The following MIER1 variants were observed in gnomAD, a reference collection of about 807,000 sequenced individuals.
The protein encoded by MIER1 is MIER1 transcriptional regulator.
A neutral mutation model predicts 75.7 loss-of-function variants in MIER1; 40 were observed. That is an observed-to-expected ratio of 0.53 (90% CI 0.41 to 0.69). The LOEUF is 0.69. Among genes scored for constraint, MIER1 ranks in the 30% least tolerant of loss-of-function variants. The pLI is 0.00. For missense variants in MIER1, 574 were observed against 680.2 expected (o/e 0.84, Z 1.74); for synonymous variants, 213 against 223.4 (o/e 0.95, Z 0.42).
intron 7 of MIER1, among the ~76,000 whole-genome samples, chr1:66,961,831 T>C (rs1193576516): frequency 6.6e-6 from 1 of 152,132 alleles, no homozygotes; most frequent in Non-Finnish European, 1.5e-5. Context: ...ATTGTAAGGG[T>C]AGAGAAAATT....
intron 3 of MIER1, among the ~76,000 whole-genome samples, chr1:66,943,451 A>G (rs1191102906): frequency 6.6e-6 from 1 of 152,290 alleles, no homozygotes; most frequent in East Asian, 1.9e-4. Flanking sequence ...AATCTGGTAT[A>G]AGGTATCTGA....
chr1:66,972,347 TTCCC>T (rs1663876476), intron 10 of MIER1, among the ~76,000 whole-genome samples: 1 of 150,998 alleles, frequency 6.6e-6, no homozygotes, highest in South Asian at 2.1e-4. Context: ...ACAAAGTCCC[TTCCC>T]CTCGTGGTGC....
rs578210347 is a variant in MIER1, at chr1:66,957,772, T to C, written c.340-287T>C. ...TAACTGTCATTGTGCATATACTGAA[T>C]TGATTGCAAAAAGAATAGTCCATGT... On this transcript the variant is annotated intron_variant, in intron 4 of 13. Transcript: ENST00000401041. Among the ~76,000 whole-genome samples the C allele has an allele frequency of 2.0e-5, 3 of 152,216 alleles. No individual in the cohort carries two copies. The South Asian group carries it at 6.2e-4, about 32-fold the overall frequency.
chr1:66,967,781 T>C (rs529841856), intron 8 of MIER1, among the ~76,000 whole-genome samples: 45 of 152,174 alleles, frequency 3.0e-4, no homozygotes, highest in Non-Finnish European at 4.6e-4. Context: ...GATTAGTCTT[T>C]TGATTTCCTT....
chr1:66,945,711 A>T (rs1040645919), intron 3 of MIER1, among the ~76,000 whole-genome samples: 5 of 152,162 alleles, frequency 3.3e-5, no homozygotes, highest in African/African-American at 4.8e-5. Context: ...AAAAAATATT[A>T]AAAAATTAGC....
intron 7 of MIER1, among the ~76,000 whole-genome samples, chr1:66,962,281 G>T (rs1036244244): frequency 2.6e-5 from 4 of 152,000 alleles, no homozygotes; most frequent in Admixed American, 2.6e-4. Flanking sequence ...TTTTCATTTT[G>T]TATTGTTTTA....
intron 12 of MIER1, among the ~76,000 whole-genome samples, chr1:66,978,085 A>G (rs1038351915): frequency 6.6e-6 from 1 of 151,732 alleles, no homozygotes; most frequent in Non-Finnish European, 1.5e-5. Flanking sequence ...AGTCTCAGCT[A>G]CTCGGGAGAC....
At position 66,971,467 on chromosome 1, in the gene MIER1, A is replaced by G. The variant is rs6661866; in HGVS notation, c.925-188A>G. Among the ~76,000 whole-genome samples the G allele has an allele frequency of 0.034, 5,244 of 152,084 alleles. 136 individuals carry two copies. Among genetic ancestry groups the G allele is most frequent in the Non-Finnish European group, 0.054 (3,641 of 67,892 alleles). On this transcript the variant is annotated intron_variant, in intron 9 of 13. Transcript: ENST00000401041. ...GCATATCCTACTTTGTACATATTTA[A>G]AGGTAGTTGATTTATCAGGATCGAA...
chr1:66,948,674 C>T (rs1051011271), intron 4 of MIER1, among the ~76,000 whole-genome samples: 1 of 152,204 alleles, frequency 6.6e-6, no homozygotes, highest in African/African-American at 2.4e-5. Flanking sequence ...AGGAGGATTA[C>T]TTGAGGCCTG....
At chr1:66,944,511 T>C (rs1657018500) in intron 3 of MIER1, among the ~76,000 whole-genome samples, 1 of 151,718 alleles carries the variant, frequency 6.6e-6, no homozygotes, top group Admixed American at 6.6e-5. Flanking sequence ...CTTTGCATTC[T>C]ACTATTACAA....
chr1:66,961,725 A>G lies in MIER1; in HGVS notation c.700-1363A>G, dbSNP rs186522607. 1.7e-3 allele frequency among the ~76,000 whole-genome samples: 264 copies of G among 152,310 alleles called. 1 individual carries two copies. The highest frequency in any genetic ancestry group is 5.5e-3 in the African/African-American group (230 of 41,558). On this transcript the variant is annotated intron_variant, in intron 7 of 13. Coordinates refer to ENST00000401041, the MANE Select transcript of MIER1 (RefSeq NM_001077700.3). ...CCCAGCCAGGGTTAGTAACTTGACA[A>G]TGTTCTTTGGTAGGCCTAGGTGAGT... is the stretch of plus-strand genomic sequence containing the variant.
In MIER1 at chr1:66,985,127, A is replaced by C. The variant is rs1323931163; in HGVS notation, c.*227A>C. ...TTTAAAAATTAGTAAATTTGAATGA[A>C]CTAAAGATATATCTCTACCTTCTCA... On this transcript the variant is annotated 3_prime_UTR_variant, in exon 14 of 14. Coordinates refer to ENST00000401041, the MANE Select transcript of MIER1 (RefSeq NM_001077700.3). 6.8e-6 allele frequency: 8 copies of C among 1,170,220 alleles called. No individual in the cohort carries two copies. The African/African-American group carries it at 1.3e-4, about 19-fold the overall frequency. 72.5% of individuals were successfully genotyped at this position (1,170,220 alleles called of 1,614,324 possible).
chr1:66,930,364 G>T, intron 2 of MIER1: 2 of 1,607,034 alleles, frequency 1.2e-6, no homozygotes, highest in East Asian at 4.5e-5. Context: ...CGGCCGCCGC[G>T]GAGATGTGAC....
At chr1:66,942,857 T>C (rs1405372733) in intron 3 of MIER1, among the ~76,000 whole-genome samples, 2 of 152,222 alleles carry the variant, frequency 1.3e-5, no homozygotes, top group African/African-American at 2.4e-5. Context: ...AGTCTTCATA[T>C]ATAATTGGCT....
chr1:66,925,637 C>G, intron 1 of MIER1: 1 of 750,148 alleles, frequency 1.3e-6, no homozygotes, highest in Non-Finnish European at 1.6e-6. Flanking sequence ...CCTCCTAGCG[C>G]GTGGGAGGAT....
intron 2 of MIER1, among the ~76,000 whole-genome samples, chr1:66,932,263 T>A (rs546134386): frequency 5.3e-5 from 8 of 152,326 alleles, no homozygotes; most frequent in African/African-American, 1.7e-4. Flanking sequence ...GAGAATGGAA[T>A]GTTTTGTGGG....
chr1:66,960,449 T>G (rs1661038428), intron 7 of MIER1, among the ~76,000 whole-genome samples: 1 of 152,196 alleles, frequency 6.6e-6, no homozygotes, highest in Admixed American at 6.5e-5. Context: ...TAATTAATCA[T>G]ACAGTTAAGT....
intron 4 of MIER1, among the ~76,000 whole-genome samples, chr1:66,954,339 T>C (rs1659645002): frequency 6.6e-6 from 1 of 152,360 alleles, no homozygotes. Context: ...CAGAAGCCTT[T>C]AAAAATTACG....
rs551531116 is a variant in MIER1, at chr1:66,965,945, CATA to C, written c.772+2788_772+2790del. On this transcript the variant is annotated intron_variant, in intron 8 of 13. Transcript: ENST00000401041. ...TTTCCGTGCCTGACTTTTTGCTTAA[CATA>C]ATGACCTTCAGTTCCATCCATGTTA... Among the ~76,000 whole-genome samples, 5 of 152,256 alleles carry C rather than the reference CATA, an allele frequency of 3.3e-5. No homozygotes were observed. In the East Asian group the frequency reaches 9.6e-4, roughly 29 times the overall value.
Sources: allele counts gnomAD v4.1 joint callset (sites outside exome capture counted in the v4.1 genomes callset), GRCh38; gene constraint gnomAD v4.1.1; transcripts MANE v1.5; gene names NCBI Gene and HGNC (gene_info 2026-07-23, HGNC 2026-07-21).